OSBPL2: variants seen among roughly 807,000 people sequenced by gnomAD.
The protein encoded by OSBPL2 is oxysterol-binding protein-related protein 2.
OSBPL2 carries 18 observed loss-of-function variants against 58.4 expected under a neutral mutation model. That is an observed-to-expected ratio of 0.31 (90% CI 0.21 to 0.46). The LOEUF is 0.46. Among genes scored for constraint, OSBPL2 ranks in the 20% least tolerant of loss-of-function variants. The pLI, the probability that OSBPL2 is intolerant of heterozygous loss-of-function variation, is 1.00. For synonymous variants in OSBPL2, 221 were observed against 234.1 expected, an observed-to-expected ratio of 0.94 and a Z score of 0.51; for missense variants, 461 against 616.5, an observed-to-expected ratio of 0.75 and a Z score of 2.67.
intron 6 of OSBPL2, among the ~76,000 whole-genome samples, chr20:62,277,349 G>A (rs1982447477): frequency 6.6e-6 from 1 of 152,268 alleles, no homozygotes; most frequent in Non-Finnish European, 1.5e-5. Flanking sequence ...AGCCGCCTGG[G>A]CTGGGTAGAG....
At chr20:62,243,439 C>G (rs560697398) in intron 1 of OSBPL2, among the ~76,000 whole-genome samples, 2,306 of 142,468 alleles carry the variant, frequency 0.016, 32 homozygotes, top group Non-Finnish European at 0.023. Flanking sequence ...GCCCCGCAGC[C>G]CCTGCCCCGC....
chr20:62,242,643 C>T (rs933153136), intron 1 of OSBPL2: 4 of 152,256 alleles, frequency 2.6e-5, no homozygotes, highest in Admixed American at 1.3e-4. Context: ...GGTCATCAGG[C>T]CTCTCTCCTG....
At chr20:62,251,037 A>ATTTTTTTTTTTTTTTTTTTTTTTTTT (rs35328509) in intron 1 of OSBPL2, among the ~76,000 whole-genome samples, 3 of 97,810 alleles carry the variant, frequency 3.1e-5, no homozygotes, top group African/African-American at 4.0e-5. Flanking sequence ...AGAGCAATAG[A>ATTTTTTTTTTTTTTTTTTTTTTTTTT]TTTTTTTTTT....
intron 6 of OSBPL2, chr20:62,278,916 G>A (rs1443141534): frequency 1.8e-5 from 9 of 501,654 alleles, no homozygotes; most frequent in East Asian, 3.5e-5. Context: ...TCATGTTTGT[G>A]TGTGTGTGTC....
chr20:62,239,698 G>A (rs1484681817), intron 1 of OSBPL2, among the ~76,000 whole-genome samples: 2 of 152,208 alleles, frequency 1.3e-5, no homozygotes, highest in Non-Finnish European at 2.9e-5. Context: ...GAGTTGAGGA[G>A]CCCGGAACTG....
intron 6 of OSBPL2, among the ~76,000 whole-genome samples, chr20:62,274,032 C>T (rs1982234138): frequency 6.6e-6 from 1 of 152,294 alleles, no homozygotes; most frequent in South Asian, 2.1e-4. Flanking sequence ...CCCCAGCTTC[C>T]CTCCTGTCTC....
intron 3 of OSBPL2, among the ~76,000 whole-genome samples, chr20:62,262,789 C>T (rs980865464): frequency 7.9e-5 from 12 of 152,172 alleles, no homozygotes; most frequent in Non-Finnish European, 2.9e-5. Flanking sequence ...TGAGGCAAAA[C>T]GCCCCTCAAA....
chr20:62,251,403 G>T (rs1396693095), intron 1 of OSBPL2, among the ~76,000 whole-genome samples: 3 of 140,880 alleles, frequency 2.1e-5, no homozygotes, highest in Non-Finnish European at 4.6e-5. Flanking sequence ...TCATACTATC[G>T]TGACTTTTTT....
intron 1 of OSBPL2, among the ~76,000 whole-genome samples, chr20:62,248,306 C>T (rs1980288516): frequency 1.3e-5 from 2 of 151,814 alleles, no homozygotes; most frequent in Non-Finnish European, 2.9e-5. Flanking sequence ...AAGTGCACGC[C>T]ACCATGCCTG....
At chr20:62,278,317 C>T (rs6062184) in intron 6 of OSBPL2, 117,378 of 140,892 alleles carry the variant, frequency 0.83, 49,315 homozygotes, top group East Asian at 0.96. Context: ...AGTGCGATGT[C>T]GTGTTTGTGT....
intron 1 of OSBPL2, among the ~76,000 whole-genome samples, chr20:62,250,517 C>G (rs1324594566): frequency 6.6e-6 from 1 of 152,188 alleles, no homozygotes; most frequent in Non-Finnish European, 1.5e-5. Flanking sequence ...CTCAGTTGTC[C>G]AGCTAAGCTT....
intron 2 of OSBPL2, among the ~76,000 whole-genome samples, chr20:62,256,641 A>C (rs1384272563): frequency 6.6e-6 from 1 of 152,168 alleles, no homozygotes; most frequent in Non-Finnish European, 1.5e-5. Context: ...CTTTCGCACG[A>C]TGGTTTAAAG....
intron 2 of OSBPL2, among the ~76,000 whole-genome samples, chr20:62,258,627 G>A (rs183138556): frequency 7.2e-5 from 11 of 152,330 alleles, no homozygotes; most frequent in Non-Finnish European, 1.3e-4. Context: ...TAGGCCATCC[G>A]AGTAGCGTTG....
intron 1 of OSBPL2, among the ~76,000 whole-genome samples, chr20:62,246,564 C>T (rs532695972): frequency 6.4e-4 from 98 of 152,320 alleles, no homozygotes; most frequent in Non-Finnish European, 1.1e-3. Flanking sequence ...GTGGATGTGT[C>T]AAGGCTGAAA....
intron 8 of OSBPL2, 192 bp downstream of exon 8, chr20:62,281,357 T>C: frequency 1.7e-6 from 1 of 573,390 alleles, no homozygotes. Flanking sequence ...TGCTCCTCGT[T>C]CAAGACCTCG....
At position 62,260,094 on chromosome 20, in the gene OSBPL2, C is replaced by T. The variant is rs1298622487; in HGVS notation, c.151C>T (p.Pro51Ser). ...NNRIGKTGER[P>S]SQENGIQKHR... Reference sequence around the variant, plus strand: ...TAGGATTGGGAAAACTGGGGAGAGGCCCTCTCAAGAGAACGGAATTCAGAA... The same window carrying T: ...TAGGATTGGGAAAACTGGGGAGAGGTCCTCTCAAGAGAACGGAATTCAGAA... Residue 51 changes from proline (P) to serine (S), a missense_variant, in exon 3 of 14, where the codon CCC becomes TCC. Pro to Ser is a moderately conservative substitution (Grantham distance 74). Around this residue, in one of 5 missense-constraint regions of OSBPL2, gnomAD observed 80 missense variants for 74.8 expected, o/e 1.07. Transcript: ENST00000313733. The T allele has an allele frequency of 3.1e-6, 5 of 1,613,696 alleles. No individual in the cohort carries two copies. In the African/African-American group the frequency reaches 6.7e-5, roughly 22 times the overall value.
chr20:62,263,612 G>T lies in OSBPL2; in HGVS notation c.183-4G>T. On this transcript the variant is annotated splice_polypyrimidine_tract_variant and splice_region_variant and intron_variant, in intron 3 of 13. Transcript: ENST00000313733. ...CCCACACGCACCCCTTTTGTGCTTC[G>T]CAGGACATCGCTGCCGGCTCCCATG... 3 of 1,613,914 alleles carry T rather than the reference G, an allele frequency of 1.9e-6. No individual in the cohort carries two copies.
intron 1 of OSBPL2, among the ~76,000 whole-genome samples, chr20:62,249,434 G>C (rs546790305): frequency 8.5e-5 from 13 of 152,286 alleles, no homozygotes; most frequent in African/African-American, 3.1e-4. Context: ...TGAGATCTGC[G>C]CGTGGAAGAA....
intron 12 of OSBPL2, among the ~76,000 whole-genome samples, chr20:62,289,824 G>A (rs566453443): frequency 9.9e-5 from 15 of 152,084 alleles, no homozygotes; most frequent in African/African-American, 3.4e-4. Context: ...AGAATCGCTT[G>A]TACCCAGGAG....
Sources: allele counts gnomAD v4.1 joint callset (sites outside exome capture counted in the v4.1 genomes callset), GRCh38; gene constraint gnomAD v4.1.1; regional missense constraint gnomAD v4.1.1; transcripts MANE v1.5; gene names NCBI Gene and HGNC (gene_info 2026-07-23, HGNC 2026-07-21).